Variants in SRP68 observed in about 807,000 individuals in gnomAD.
SRP68 encodes the protein signal recognition particle subunit SRP68.
SRP68 carries 15 observed loss-of-function variants against 82.2 expected under a neutral mutation model. The ratio of observed to expected loss-of-function variants is 0.18; its 90% CI spans 0.12 to 0.28. The LOEUF is 0.28. Among genes scored for constraint, SRP68 ranks in the 10% least tolerant of loss-of-function variants. The pLI, the probability that SRP68 is intolerant of heterozygous loss-of-function variation, is 1.00. For missense variants in SRP68, 595 were observed against 780.5 expected (o/e 0.76, Z 2.83); for synonymous variants, 261 against 292.6 (o/e 0.89, Z 1.10).
chr17:76,047,101 A>G (rs1213076598), intron 10 of SRP68, among the ~76,000 whole-genome samples: 4 of 152,178 alleles, frequency 2.6e-5, no homozygotes, highest in African/African-American at 7.2e-5. Flanking sequence ...GGAGCTTCAA[A>G]CACTGGTTGT....
At chr17:76,049,425 T>A (rs2066655531) in intron 9 of SRP68, 2 of 151,812 alleles carry the variant, frequency 1.3e-5, no homozygotes, top group South Asian at 4.2e-4. Flanking sequence ...TACCCAAGTG[T>A]GCGGAGGGAG....
chr17:76,057,450 G>T lies in SRP68; in HGVS notation c.931C>A (p.Arg311Ser). Residue 311 changes from arginine (R) to serine (S), a missense_variant, in exon 8 of 16, where the codon CGC becomes AGC. Transcript: ENST00000307877. ...RTVPVKIDKV[R>S]IFLLGLADNE... ...TCAGCCAGTCCTAATAAGAAAATGC[G>T]CACTTTGTCAATCTTCACTGGAACC... The T allele has an allele frequency of 6.2e-7, 1 of 1,614,090 alleles. No individual in the cohort carries two copies. Among genetic ancestry groups the T allele is most frequent in the Admixed American group, 1.7e-5 (1 of 59,986 alleles).
rs1170768701 is a variant in SRP68 at position 76,071,031 on chromosome 17, G to GA, written c.185-588dup. 6.6e-6 allele frequency among the ~76,000 whole-genome samples: 1 copy of GA among 152,202 alleles called. No homozygotes were observed. The highest frequency in any genetic ancestry group is 6.5e-5 in the Admixed American group (1 of 15,268). On this transcript the variant is annotated intron_variant, in intron 1 of 15. Transcript: ENST00000307877. The surrounding 1 kb of genome is among the most constrained non-coding windows in gnomAD (Gnocchi z 4.7). ...AAAAGGAGGGCACTACTGGCCACTG[G>GA]AAACTGCCAAAACCCAGTTTAAATT...
At chr17:76,044,036 GA>G in intron 12 of SRP68, 78 bp from the exon 13 acceptor site, 1 of 1,501,474 alleles carries the variant, frequency 6.7e-7, no homozygotes, top group Non-Finnish European at 8.9e-7. Flanking sequence ...CAGTTTAGGC[GA>G]AATTTCACAT....
chr17:76,069,563 C>T (rs966865880), intron 2 of SRP68, among the ~76,000 whole-genome samples: 62 of 148,658 alleles, frequency 4.2e-4, no homozygotes, highest in African/African-American at 1.4e-3. Context: ...AAAAATTAGC[C>T]GGGCATGGTG....
rs976253995 is a variant in SRP68, at chr17:76,070,569, G to A, written c.185-125C>T. ...ACATTTGTGAAATATAGCCAGGTAC[G>A]GTGGCTCATGCCTGTAATCCCAGCA... is the stretch of plus-strand genomic sequence containing the variant. On this transcript the variant is annotated intron_variant, in intron 1 of 15. Transcript: ENST00000307877. The A allele has an allele frequency of 1.2e-5, 10 of 824,736 alleles. 1 individual carries two copies. The highest frequency in any genetic ancestry group is 3.4e-5 in the African/African-American group (2 of 58,612). 51.1% of individuals were successfully genotyped at this position (824,736 alleles called of 1,614,324 possible).
chr17:76,052,447 AGGGGGT>A (rs1379074502), intron 8 of SRP68, among the ~76,000 whole-genome samples: 1 of 150,838 alleles, frequency 6.6e-6, no homozygotes. Context: ...TGTGAATGGC[AGGGGGT>A]GGGAGGCAAG....
At chr17:76,061,416 C>T in intron 5 of SRP68, 76 bp downstream of exon 5, 2 of 1,307,572 alleles carry the variant, frequency 1.5e-6, no homozygotes, top group East Asian at 2.3e-5. Context: ...CAGAAACAAT[C>T]CACTATCTGA....
intron 8 of SRP68, among the ~76,000 whole-genome samples, chr17:76,055,813 T>C (rs1413907981): frequency 1.4e-5 from 2 of 146,416 alleles, no homozygotes; most frequent in African/African-American, 2.5e-5. Context: ...TCTTCTTTTT[T>C]TTTTTTTTTT....
intron 4 of SRP68, among the ~76,000 whole-genome samples, chr17:76,062,502 T>TATATATAATATACATTATATA (rs2066760693): frequency 1.1e-5 from 1 of 91,466 alleles, no homozygotes; most frequent in East Asian, 2.8e-4. Flanking sequence ...ATATATAATA[T>TATATATAATATACATTATATA]ATATATAATA....
chr17:76,069,357 C>T (rs1174534628), intron 2 of SRP68, among the ~76,000 whole-genome samples: 1 of 151,398 alleles, frequency 6.6e-6, no homozygotes, highest in Non-Finnish European at 1.5e-5. Context: ...CACTGCATTC[C>T]AGACTGGGTG....
At chr17:76,042,699 C>T (rs377534930) in intron 13 of SRP68, among the ~76,000 whole-genome samples, 21 of 152,262 alleles carry the variant, frequency 1.4e-4, no homozygotes, top group Admixed American at 3.3e-4. Context: ...ATTCTCCTGC[C>T]TCAGCTTCTC....
rs543401220 is a variant in SRP68 at position 76,062,966 on chromosome 17, T to C, written c.561+1010A>G. ...TTTGTATTTTTAGTAGAGATGGGGT[T>C]TCACCGTGTTAGCCAGGATGGTCTC... is the stretch of plus-strand genomic sequence containing the variant. On this transcript the variant is annotated intron_variant, in intron 4 of 15. Coordinates refer to ENST00000307877, the MANE Select transcript of SRP68 (RefSeq NM_014230.4). Among the ~76,000 whole-genome samples the C allele has an allele frequency of 2.2e-3, 337 of 150,300 alleles. 3 individuals are homozygous for C. The Middle Eastern group carries it at 0.024, about 11-fold the overall frequency.
intron 14 of SRP68, 54 bp from the exon 15 acceptor site, chr17:76,040,528 T>C: frequency 3.8e-6 from 6 of 1,569,926 alleles, no homozygotes; most frequent in Non-Finnish European, 5.3e-6. Flanking sequence ...AGCACACTAA[T>C]CACAAATGAG....
intron 8 of SRP68, among the ~76,000 whole-genome samples, chr17:76,054,914 T>C (rs2066701850): frequency 6.6e-6 from 1 of 151,844 alleles, no homozygotes; most frequent in African/African-American, 2.4e-5. Context: ...CCTTTCAGTA[T>C]GATGTCATAT....
At chr17:76,068,751 A>G (rs1000405460) in intron 2 of SRP68, among the ~76,000 whole-genome samples, 4 of 152,040 alleles carry the variant, frequency 2.6e-5, no homozygotes, top group African/African-American at 9.7e-5. Context: ...ACTAATATAA[A>G]TCCCTTTAGT....
At chr17:76,050,595 G>A in intron 8 of SRP68, 69 bp from the exon 9 acceptor site, 1 of 1,096,544 alleles carries the variant, frequency 9.1e-7, no homozygotes, top group Non-Finnish European at 1.4e-6. Flanking sequence ...TGGGAGAGGA[G>A]CAAAATCGCA....
intron 3 of SRP68, 35 bp downstream of exon 3, chr17:76,067,182 G>C (rs2066813449): frequency 6.9e-7 from 1 of 1,449,392 alleles, no homozygotes; most frequent in African/African-American, 1.4e-5. Flanking sequence ...GTATTAGCAA[G>C]AAGTAATTTG....
intron 6 of SRP68, chr17:76,060,647 C>T (rs549629702): frequency 9.5e-6 from 4 of 420,934 alleles, no homozygotes; most frequent in South Asian, 7.7e-5. Flanking sequence ...CAACATCAAG[C>T]GTGAACCCTG....
Sources: gnomAD v4.1 joint callset for allele counts (sites outside exome capture counted in the v4.1 genomes callset) on GRCh38, gnomAD v4.1.1 for gene constraint, Gnocchi (gnomAD v3.1) non-coding constraint, MANE v1.5 for transcripts, NCBI Gene and HGNC (gene_info 2026-07-23, HGNC 2026-07-21) for gene names.